The following PDE10A variants were observed in gnomAD, a reference collection of about 807,000 sequenced individuals.
PDE10A encodes phosphodiesterase 10A.
A neutral mutation model predicts 97.7 loss-of-function variants in PDE10A; 39 were observed. The ratio of observed to expected loss-of-function variants is 0.40; its 90% CI spans 0.31 to 0.52. The LOEUF (loss-of-function observed/expected upper bound fraction) is 0.52. Ranked by LOEUF, PDE10A falls within the 20% of genes least tolerant of loss-of-function variation. The pLI is 0.56. For synonymous variants in PDE10A, 371 were observed against 376.8 expected (o/e 0.98, Z 0.18); for missense variants, 731 against 1,047.8 (o/e 0.70, Z 4.17).
At chr6:165,826,851 G>C (rs1016118147) in intron 1 of PDE10A, among the ~76,000 whole-genome samples, 1 of 151,968 alleles carries the variant, frequency 6.6e-6, no homozygotes, top group Non-Finnish European at 1.5e-5. Context: ...CGGAGGGACA[G>C]GAGGTGGCAC....
At chr6:165,447,463 G>A (rs1232328986) in intron 5 of PDE10A, among the ~76,000 whole-genome samples, 9 of 152,214 alleles carry the variant, frequency 5.9e-5, no homozygotes, top group African/African-American at 1.7e-4. Flanking sequence ...GCACAGCTGC[G>A]TGGCCAACTG....
intron 1 of PDE10A, among the ~76,000 whole-genome samples, chr6:165,732,969 T>G (rs1792477388): frequency 6.6e-6 from 1 of 152,232 alleles, no homozygotes; most frequent in Non-Finnish European, 1.5e-5. Context: ...AGGTCCCTGG[T>G]TCCTAGTGAC....
intron 1 of PDE10A, among the ~76,000 whole-genome samples, chr6:165,780,041 C>CT (rs1469842221): frequency 6.6e-6 from 1 of 152,210 alleles, no homozygotes; most frequent in Non-Finnish European, 1.5e-5. Flanking sequence ...TTTCTCTACT[C>CT]TCCCCCTCTA....
intron 2 of PDE10A, among the ~76,000 whole-genome samples, chr6:165,496,087 G>A (rs574900320): frequency 6.6e-6 from 1 of 152,080 alleles, no homozygotes; most frequent in African/African-American, 2.4e-5. Context: ...TCCTGGAGAA[G>A]GTAAGCAAAA....
At chr6:165,954,545 T>C (rs1322830409) in intron 1 of PDE10A, among the ~76,000 whole-genome samples, 6 of 152,284 alleles carry the variant, frequency 3.9e-5, no homozygotes, top group Admixed American at 6.5e-5. Context: ...GGATTCGTTT[T>C]GCTAAGATAA....
Position 165,395,117 on chromosome 6 carries a change from G to A in PDE10A, c.2303+64C>T, listed in dbSNP as rs1049163809. 154 of 977,178 alleles carry A rather than the reference G, an allele frequency of 1.6e-4. 1 individual carries two copies. The African/African-American group carries it at 2.2e-3, about 14-fold the overall frequency. 60.5% of individuals were successfully genotyped at this position (977,178 alleles called of 1,614,324 possible). On this transcript the variant is annotated intron_variant, in intron 15 of 21. Transcript: ENST00000539869. ...ACAAAGATCGTGGTGAGGCATATAT[G>A]TAGAAGGAGGAAGAGGTTATGTCAC...
chr6:165,343,314 TA>T, intron 19 of PDE10A, 76 bp downstream of exon 19: 1 of 1,011,280 alleles, frequency 9.9e-7, no homozygotes, highest in Non-Finnish European at 1.6e-6. Flanking sequence ...CATGAACAAC[TA>T]AAGTATTCTT....
chr6:165,611,764 T>C (rs756103881), intron 1 of PDE10A, among the ~76,000 whole-genome samples: 4 of 152,262 alleles, frequency 2.6e-5, no homozygotes, highest in Non-Finnish European at 5.9e-5. Context: ...AGAAAAGTTA[T>C]GTTTATTGCA....
intron 1 of PDE10A, among the ~76,000 whole-genome samples, chr6:165,806,523 C>T (rs1183711056): frequency 6.6e-6 from 1 of 152,206 alleles, no homozygotes; most frequent in Non-Finnish European, 1.5e-5. Context: ...GAGCCTCTGG[C>T]TCCTTTTCCC....
chr6:165,491,773 A>G (rs1038993736), intron 2 of PDE10A, among the ~76,000 whole-genome samples: 2 of 152,168 alleles, frequency 1.3e-5, no homozygotes, highest in Non-Finnish European at 2.9e-5. Flanking sequence ...GAGCACAGGT[A>G]GACAATCTAA....
At chr6:165,880,449 A>C (rs1218304129) in intron 1 of PDE10A, among the ~76,000 whole-genome samples, 1 of 152,092 alleles carries the variant, frequency 6.6e-6, no homozygotes, top group Non-Finnish European at 1.5e-5. Context: ...ATTAGGTTGT[A>C]TTTGTTTTCA....
intron 1 of PDE10A, among the ~76,000 whole-genome samples, chr6:165,881,050 T>A (rs1234721124): frequency 6.6e-6 from 1 of 152,186 alleles, no homozygotes; most frequent in Admixed American, 6.5e-5. Flanking sequence ...AAACCACGTT[T>A]TTGAACAAAA....
Position 165,671,673 on chromosome 6 carries a change from C to T in PDE10A, c.-614-128105G>A, listed in dbSNP as rs1044189908. 1.8e-4 allele frequency among the ~76,000 whole-genome samples: 27 copies of T among 152,038 alleles called. No individual in the cohort carries two copies. The highest frequency in any genetic ancestry group is 3.4e-3 in the Middle Eastern group (1 of 294). Reference sequence around the variant, plus strand: ...GATTTCACACACATGGATTATAAAACGGATGAAAAGCAGCTAGATATCACA... The same window carrying T: ...GATTTCACACACATGGATTATAAAATGGATGAAAAGCAGCTAGATATCACA... On this transcript the variant is annotated intron_variant, in intron 1 of 19. Transcript: ENST00000366882. This position sits in a 1 kb window ranked among gnomAD's most constrained non-coding sequence, Gnocchi z 4.6.
At chr6:165,673,462 G>A (rs1335789985) in intron 1 of PDE10A, among the ~76,000 whole-genome samples, 1 of 152,214 alleles carries the variant, frequency 6.6e-6, no homozygotes, top group Non-Finnish European at 1.5e-5. Context: ...TTGGAAAGGC[G>A]AGGGTTAAAA....
At chr6:165,629,832 C>T (rs768441418) in intron 1 of PDE10A, among the ~76,000 whole-genome samples, 1 of 152,074 alleles carries the variant, frequency 6.6e-6, no homozygotes, top group Non-Finnish European at 1.5e-5. Context: ...CCACACGCAG[C>T]CTTAAAAACT....
chr6:165,618,781 C>T (rs1485316430), intron 1 of PDE10A, among the ~76,000 whole-genome samples: 1 of 152,150 alleles, frequency 6.6e-6, no homozygotes, highest in East Asian at 1.9e-4. Context: ...ACAAGAGAGT[C>T]GCAACTAAAA....
intron 1 of PDE10A, among the ~76,000 whole-genome samples, chr6:165,767,404 G>A (rs9459505): frequency 0.47 from 72,165 of 152,022 alleles, 18,077 homozygotes; most frequent in East Asian, 0.78. Flanking sequence ...TTCATAACCC[G>A]CAAGGGGAAC....
chr6:165,854,035 G>C (rs1780643928), intron 1 of PDE10A, among the ~76,000 whole-genome samples: 1 of 152,208 alleles, frequency 6.6e-6, no homozygotes, highest in Admixed American at 6.5e-5. Flanking sequence ...GATGCGGGGC[G>C]TGGTGGTGAG....
chr6:165,641,184 G>C (rs1402173748), intron 1 of PDE10A, among the ~76,000 whole-genome samples: 1 of 152,060 alleles, frequency 6.6e-6, no homozygotes, highest in African/African-American at 2.4e-5. Context: ...CTGACGCCCA[G>C]AGGTCAACAA....
Sources: allele counts gnomAD v4.1 joint callset (sites outside exome capture counted in the v4.1 genomes callset), GRCh38; gene constraint gnomAD v4.1.1; non-coding constraint Gnocchi (gnomAD v3.1); transcripts MANE v1.5; gene names NCBI Gene and HGNC (gene_info 2026-07-23, HGNC 2026-07-21).